Variants in FAM193A observed in about 807,000 individuals in gnomAD.
FAM193A encodes the protein family with sequence similarity 193 member A.
In FAM193A, 22 loss-of-function variants were observed where a neutral mutation model predicts 126.5. The observed-to-expected ratio is 0.17, with a 90% confidence interval of 0.12 to 0.25. FAM193A has a LOEUF of 0.25. FAM193A is among the 10% of genes least tolerant of loss of function. The pLI is 1.00. For missense variants in FAM193A, 1,675 were observed against 1,672.8 expected, an observed-to-expected ratio of 1.00 and a Z score of -0.02; for synonymous variants, 761 against 646.8, an observed-to-expected ratio of 1.18 and a Z score of -2.68.
rs143664489 is a variant in FAM193A, at chr4:2,685,996, A to G, written c.2332-3510A>G. ...CGAGTGAAATTGGTGTTCTGATTCA[A>G]TAGCGTAGTCCACGTTCTGAGAGAG... On this transcript the variant is annotated intron_variant, in intron 13 of 20. Coordinates refer to ENST00000637812, the MANE Select transcript of FAM193A (RefSeq NM_001366318.2). Among the ~76,000 whole-genome samples the G allele has an allele frequency of 2.1e-3, 319 of 152,330 alleles. 2 individuals carry two copies. The East Asian group carries it at 0.026, about 12-fold the overall frequency.
At chr4:2,623,136 C>A (rs995990911) in intron 2 of FAM193A, among the ~76,000 whole-genome samples, 1 of 152,012 alleles carries the variant, frequency 6.6e-6, no homozygotes, top group African/African-American at 2.4e-5. Flanking sequence ...CAAGCTCTTA[C>A]CCTCCTGTGT....
intron 2 of FAM193A, among the ~76,000 whole-genome samples, chr4:2,623,947 C>G (rs1393788185): frequency 1.3e-5 from 2 of 152,090 alleles, no homozygotes; most frequent in Admixed American, 6.5e-5. Context: ...GGGGAAGGCT[C>G]TCTAGCACCC....
chr4:2,659,697 G>A (rs373778662), intron 9 of FAM193A, 27 bp downstream of exon 9: 6 of 1,611,122 alleles, frequency 3.7e-6, no homozygotes, highest in Admixed American at 1.7e-5. Flanking sequence ...GTGTCAGCAC[G>A]ACTGGCCCAT....
At chr4:2,598,063 C>A (rs191370753) in intron 2 of FAM193A, among the ~76,000 whole-genome samples, 1 of 152,162 alleles carries the variant, frequency 6.6e-6, no homozygotes, top group Admixed American at 6.6e-5. Flanking sequence ...CGCCACCATG[C>A]CCAGCTAATT....
At chr4:2,671,599 G>A (rs1428933164) in intron 12 of FAM193A, among the ~76,000 whole-genome samples, 1 of 152,168 alleles carries the variant, frequency 6.6e-6, no homozygotes, top group Non-Finnish European at 1.5e-5. Context: ...TATTTTCCTT[G>A]GGCTGATTTC....
chr4:2,535,806 C>T (rs546963395), upstream of FAM193A, among the ~76,000 whole-genome samples: 2 of 152,266 alleles, frequency 1.3e-5, no homozygotes, highest in African/African-American at 4.8e-5. Flanking sequence ...GAGGGCTTAA[C>T]GGGATAGCAG....
chr4:2,658,395 A>G (rs752792132), intron 8 of FAM193A, among the ~76,000 whole-genome samples: 3 of 152,064 alleles, frequency 2.0e-5, no homozygotes, highest in Non-Finnish European at 4.4e-5. Context: ...TGCCTCCTCC[A>G]GGCAGGCTTG....
chr4:2,716,417 T>C (rs1719542626), intron 20 of FAM193A, among the ~76,000 whole-genome samples: 1 of 150,376 alleles, frequency 6.6e-6, no homozygotes, highest in Non-Finnish European at 1.5e-5. Context: ...CCAGGTGTCC[T>C]GGGCCAGCAG....
chr4:2,552,030 G>A (rs76627857), intron 1 of FAM193A, among the ~76,000 whole-genome samples: 20 of 64,128 alleles, frequency 3.1e-4, no homozygotes, highest in African/African-American at 1.3e-3. Context: ...TTTTTTTTTC[G>A]AGACAGAGTC....
chr4:2,632,748 C>T (rs556906802), intron 5 of FAM193A, among the ~76,000 whole-genome samples: 8 of 152,192 alleles, frequency 5.3e-5, no homozygotes, highest in Admixed American at 6.5e-5. Flanking sequence ...TGGGTAGTGC[C>T]ACCAGGCTTC....
At chr4:2,539,057 A>AT (rs1304306210) in intron 1 of FAM193A, among the ~76,000 whole-genome samples, 4 of 151,360 alleles carry the variant, frequency 2.6e-5, no homozygotes, top group Admixed American at 1.3e-4. Flanking sequence ...TGCCTGGCTA[A>AT]TTTTTTTTGT....
chr4:2,606,021 G>A (rs1397675160), intron 2 of FAM193A, among the ~76,000 whole-genome samples: 4 of 135,772 alleles, frequency 2.9e-5, no homozygotes, highest in Non-Finnish European at 6.3e-5. Context: ...TAGAGTGGCC[G>A]TGTTTTGTAT....
At chr4:2,688,960 C>T (rs903226554) in intron 13 of FAM193A, among the ~76,000 whole-genome samples, 1 of 152,238 alleles carries the variant, frequency 6.6e-6, no homozygotes, top group African/African-American at 2.4e-5. Context: ...ATGGTCTGCC[C>T]CACAGGGCCC....
chr4:2,605,410 T>G (rs1016500924), intron 2 of FAM193A, among the ~76,000 whole-genome samples: 1 of 152,230 alleles, frequency 6.6e-6, no homozygotes, highest in East Asian at 1.9e-4. Context: ...TGTGTGTTAT[T>G]TTATGTCTTA....
chr4:2,680,242 G>A (rs974071599), intron 13 of FAM193A, among the ~76,000 whole-genome samples: 5 of 152,134 alleles, frequency 3.3e-5, no homozygotes, highest in African/African-American at 7.2e-5. Context: ...TTATGATTTC[G>A]TCTTGATAGG....
intron 8 of FAM193A, among the ~76,000 whole-genome samples, chr4:2,658,097 A>G (rs1406515334): frequency 6.6e-6 from 1 of 151,912 alleles, no homozygotes; most frequent in Admixed American, 6.6e-5. Flanking sequence ...CTCAAGAAAA[A>G]CCCATGTGTA....
chr4:2,659,363 G>C (rs1252703758), intron 8 of FAM193A, among the ~76,000 whole-genome samples, 195 bp from the exon 9 acceptor site: 1 of 152,156 alleles, frequency 6.6e-6, no homozygotes, highest in Non-Finnish European at 1.5e-5. Context: ...GGGTCTCCTG[G>C]TACCCGAGCC....
At chr4:2,694,832 TGCGC>T (rs752364641) in intron 16 of FAM193A, 110 bp from the exon 17 acceptor site, 3 of 873,098 alleles carry the variant, frequency 3.4e-6, no homozygotes, top group Non-Finnish European at 5.1e-6. Context: ...ATGCACCCTC[TGCGC>T]TGCCTCTTGT....
intron 8 of FAM193A, among the ~76,000 whole-genome samples, chr4:2,658,296 G>A (rs1711957749): frequency 1.3e-5 from 2 of 152,156 alleles, no homozygotes; most frequent in South Asian, 4.1e-4. Context: ...CCCAGACAGA[G>A]CGCTCAGATC....
Sources: allele counts gnomAD v4.1 joint callset (sites outside exome capture counted in the v4.1 genomes callset), GRCh38; gene constraint gnomAD v4.1.1; transcripts MANE v1.5; gene names NCBI Gene and HGNC (gene_info 2026-07-23, HGNC 2026-07-21).